Variants in MPPED1 observed in about 807,000 individuals in gnomAD.
The protein encoded by MPPED1 is metallophosphoesterase domain containing 1.
Under a neutral mutation model 36.2 loss-of-function variants are expected in MPPED1, and 16 were observed. The ratio of observed to expected loss-of-function variants is 0.44; its 90% CI spans 0.30 to 0.67. The LOEUF (loss-of-function observed/expected upper bound fraction) is 0.67, where lower values mean the gene tolerates loss of function less well. Among genes scored for constraint, MPPED1 ranks in the 30% least tolerant of loss-of-function variants. The probability of loss-of-function intolerance (pLI) is 0.10; values close to 1 mark genes in which losing one functional copy is unlikely to be tolerated. For synonymous variants in MPPED1, 199 were observed against 191.3 expected (o/e 1.04, Z -0.33); for missense variants, 307 against 453.4 (o/e 0.68, Z 2.93).
At chr22:43,472,018 G>A (rs1375745406) in intron 3 of MPPED1, among the ~76,000 whole-genome samples, 3 of 152,198 alleles carry the variant, frequency 2.0e-5, no homozygotes, top group Non-Finnish European at 4.4e-5. Flanking sequence ...TTAAGAGTGG[G>A]CGGTACCTTC....
chr22:43,443,997 C>T (rs953794093), intron 3 of MPPED1, among the ~76,000 whole-genome samples: 8 of 152,018 alleles, frequency 5.3e-5, no homozygotes, highest in Admixed American at 4.6e-4. Context: ...AAATGGATGG[C>T]TTGTGCAGCA....
chr22:43,452,239 A>G (rs1055296975), intron 3 of MPPED1, among the ~76,000 whole-genome samples: 3 of 151,998 alleles, frequency 2.0e-5, no homozygotes, highest in South Asian at 4.2e-4. Context: ...GCTGGTCTCA[A>G]ACTCCTTTAG....
chr22:43,470,642 C>A (rs1487235877), intron 3 of MPPED1, among the ~76,000 whole-genome samples: 1 of 152,208 alleles, frequency 6.6e-6, no homozygotes, highest in East Asian at 1.9e-4. Context: ...GCAGAGTACA[C>A]CTCAGGATAC....
chr22:43,496,622 A>G (rs1366942430), intron 4 of MPPED1, among the ~76,000 whole-genome samples: 350 of 2,068 alleles, frequency 0.17, no homozygotes, highest in South Asian at 0.17. Context: ...GGTGGTGGAG[A>G]TGGTGGTGGA....
chr22:43,502,714 G>A lies in MPPED1; in HGVS notation c.819G>A (p.Arg273=). 2 of 1,613,292 alleles carry A rather than the reference G, an allele frequency of 1.2e-6. No homozygotes were observed. The highest frequency in any genetic ancestry group is 2.2e-5 in the South Asian group (2 of 91,080). ...GCVELLNTVQ[R]RVQPRLHVFG... The stretch of plus-strand genomic sequence containing the variant: ...TGGAGCTGCTCAACACGGTGCAGAG[G>A]CGCGTCCAGCCGCGGTTACATGTCT... Residue 273 remains arginine, a synonymous_variant, in exon 6 of 7, where the codon AGG becomes AGA. Transcript: ENST00000443721. The surrounding 1 kb of genome is among the most constrained non-coding windows in gnomAD (Gnocchi z 5.5).
In MPPED1 at chr22:43,444,251, G is replaced by C. The variant is rs141884735; in HGVS notation, c.406+9036G>C. Among the ~76,000 whole-genome samples the C allele has an allele frequency of 2.6e-4, 38 of 148,736 alleles. 1 individual carries two copies. The East Asian group carries it at 7.3e-3, about 29-fold the overall frequency. On this transcript the variant is annotated intron_variant, in intron 3 of 6. Transcript: ENST00000443721. ...ATAATTATCTATTTACAACAAAATG[G>C]CTTTGGAAATGAAATGAGACCCACT...
intron 2 of MPPED1, among the ~76,000 whole-genome samples, chr22:43,427,379 T>G: frequency 6.6e-6 from 1 of 151,282 alleles, no homozygotes. Context: ...GGAGAGGGTG[T>G]GAGGAGGAAG....
chr22:43,417,923 G>A, intron 1 of MPPED1: 1 of 395,822 alleles, frequency 2.5e-6, no homozygotes, highest in Non-Finnish European at 5.0e-6. Context: ...TTCCAAGGTG[G>A]GGTTCCTCAG....
chr22:43,472,567 C>T (rs776235737), intron 3 of MPPED1, among the ~76,000 whole-genome samples: 2 of 152,196 alleles, frequency 1.3e-5, no homozygotes, highest in African/African-American at 2.4e-5. Flanking sequence ...AGTGGTCCCC[C>T]GCCCCAGAGT....
At chr22:43,439,596 G>T (rs1374822176) in intron 3 of MPPED1, among the ~76,000 whole-genome samples, 1 of 152,360 alleles carries the variant, frequency 6.6e-6, no homozygotes, top group East Asian at 1.9e-4. Flanking sequence ...TGCCTCACTT[G>T]TAGAACGGGG....
chr22:43,495,693 TGGA>T (rs1402274259), intron 4 of MPPED1, among the ~76,000 whole-genome samples: 17 of 48,482 alleles, frequency 3.5e-4, no homozygotes, highest in Non-Finnish European at 4.6e-4. Context: ...ATGGTGGTGG[TGGA>T]GGTGGTGATG....
intron 1 of MPPED1, among the ~76,000 whole-genome samples, chr22:43,422,517 G>T (rs937880721): frequency 6.6e-6 from 1 of 152,114 alleles, no homozygotes; most frequent in South Asian, 2.1e-4. Flanking sequence ...AGAAGCCACC[G>T]CAAGGATTTC....
chr22:43,477,887 C>A (rs1024361294), intron 4 of MPPED1, among the ~76,000 whole-genome samples: 1 of 152,208 alleles, frequency 6.6e-6, no homozygotes, highest in African/African-American at 2.4e-5. Context: ...CACCGCCTGC[C>A]TTGTTGGGGG....
Position 43,507,496 on chromosome 22 carries a change from T to C in MPPED1, c.*1880T>C, listed in dbSNP as rs1166122823. ...TCCCGTTTGGCTGAAGGGGTTCCTG[T>C]AGCCAGGGATGTTTATGAGGTCTCT... On this transcript the variant is annotated 3_prime_UTR_variant, in exon 7 of 7. Coordinates refer to ENST00000443721, the MANE Select transcript of MPPED1 (RefSeq NM_001044370.2). The C allele has an allele frequency of 6.6e-6, 1 of 152,152 alleles. No homozygotes were observed. The highest frequency in any genetic ancestry group is 1.9e-4 in the East Asian group (1 of 5,192). 9.4% of individuals were successfully genotyped at this position (152,152 alleles called of 1,614,324 possible).
chr22:43,468,517 C>G (rs1007916166), intron 3 of MPPED1, among the ~76,000 whole-genome samples: 3 of 152,226 alleles, frequency 2.0e-5, no homozygotes, highest in Admixed American at 6.5e-5. Context: ...GGTCATTGTT[C>G]AGACATCTCT....
chr22:43,431,947 A>G (rs1305664924), intron 2 of MPPED1, among the ~76,000 whole-genome samples: 2 of 152,198 alleles, frequency 1.3e-5, no homozygotes, highest in Non-Finnish European at 1.5e-5. Context: ...AGTTAATTAA[A>G]GATCTCTGGC....
chr22:43,481,607 T>C (rs768412497), intron 4 of MPPED1, among the ~76,000 whole-genome samples: 1 of 152,166 alleles, frequency 6.6e-6, no homozygotes, highest in Non-Finnish European at 1.5e-5. Flanking sequence ...CCAGGTTTAT[T>C]CTCCTGCGAT....
intron 2 of MPPED1, among the ~76,000 whole-genome samples, chr22:43,432,514 A>AGAGAG (rs1444496912): frequency 8.3e-6 from 1 of 120,858 alleles, no homozygotes; most frequent in Non-Finnish European, 1.7e-5. Flanking sequence ...AGGGAAAGAG[A>AGAGAG]AAGGGAGGAG....
chr22:43,460,580 T>C (rs1190233993), intron 3 of MPPED1, among the ~76,000 whole-genome samples: 1 of 152,146 alleles, frequency 6.6e-6, no homozygotes, highest in African/African-American at 2.4e-5. Context: ...GTTTATTTAG[T>C]GAATGTCCTG....
Sources: gnomAD v4.1 joint callset for allele counts (sites outside exome capture counted in the v4.1 genomes callset) on GRCh38, gnomAD v4.1.1 for gene constraint, Gnocchi (gnomAD v3.1) non-coding constraint, MANE v1.5 for transcripts, NCBI Gene and HGNC (gene_info 2026-07-23, HGNC 2026-07-21) for gene names.